Variants in SUGP1 observed in about 807,000 individuals in gnomAD.
The protein encoded by SUGP1 is SURP and G-patch domain-containing protein 1.
Under a neutral mutation model 76.5 loss-of-function variants are expected in SUGP1, and 34 were observed. That is an observed-to-expected ratio of 0.44 (90% CI 0.34 to 0.59). The LOEUF (loss-of-function observed/expected upper bound fraction) is 0.59, where lower values mean the gene tolerates loss of function less well. SUGP1 is among the 20% of genes least tolerant of loss of function. SUGP1 has a pLI of 0.01. For synonymous variants in SUGP1, 326 were observed against 326.2 expected (o/e 1.00, Z 0.01); for missense variants, 752 against 851.7 (o/e 0.88, Z 1.46).
At chr19:19,315,499 C>G (rs2061387300) in intron 2 of SUGP1, among the ~76,000 whole-genome samples, 1 of 152,188 alleles carries the variant, frequency 6.6e-6, no homozygotes, top group African/African-American at 2.4e-5. Context: ...GATCAAAACC[C>G]TTGGTGCCCT....
rs1322992365 is a variant in SUGP1 at position 19,278,700 on chromosome 19, T to C, written c.1625A>G (p.Lys542Arg). ...CCCCTCCTGGCTCACCTTCAGGGCC[T>C]TGAAGGTCTCCATAAACTTTTCCAG... ...DELEKFMETF[K>R]ALKEGREPDY... is the part of the protein sequence containing the mutation. Residue 542 changes from lysine to arginine, a missense_variant, in exon 11 of 14, where the codon AAG becomes AGG. Around this residue, in one of 2 missense-constraint regions of SUGP1, gnomAD observed 132 missense variants for 234.4 expected, o/e 0.56. Transcript: ENST00000247001. The C allele has an allele frequency of 3.1e-6, 5 of 1,612,630 alleles. No homozygotes were observed. The highest frequency in any genetic ancestry group is 3.4e-6 in the Non-Finnish European group (4 of 1,179,406).
At chr19:19,313,928 C>T (rs1040283459) in intron 2 of SUGP1, among the ~76,000 whole-genome samples, 1 of 152,036 alleles carries the variant, frequency 6.6e-6, no homozygotes, top group African/African-American at 2.4e-5. Context: ...AACCTGAGGC[C>T]AGGAGTTAAA....
chr19:19,310,175 AG>A lies in SUGP1; in HGVS notation c.231del (p.Cys78AlafsTer17). 5 of 1,613,604 alleles carry A rather than the reference AG, an allele frequency of 3.1e-6. No individual in the cohort carries two copies. The highest frequency in any genetic ancestry group is 4.2e-6 in the Non-Finnish European group (5 of 1,179,602). ...TCGTTGGCAAACTTGTTGGAAATGC[AG>A]GAAGAGTTGTGTGCATTTGTGATTC... Reference protein sequence around the residue: ...PGEITNAHNSSCISNKFANDG... With the variant: ...PGEITNAHNSXCISNKFANDG... On this transcript the variant is annotated frameshift_variant, in exon 3 of 14. Coordinates refer to ENST00000247001, the MANE Select transcript of SUGP1 (RefSeq NM_172231.4). LOFTEE classifies it high-confidence loss of function.
intron 7 of SUGP1, 72 bp from the exon 8 acceptor site, chr19:19,297,416 G>GTTCTGGCCTTCTGGGCAGGAGCAT: frequency 3.0e-6 from 4 of 1,332,268 alleles, no homozygotes; most frequent in Non-Finnish European, 4.1e-6. Flanking sequence ...GGCAGGAGCA[G>GTTCTGGCCTTCTGGGCAGGAGCAT]TTCTGGCCTT....
chr19:19,300,914 C>T (rs559887882), intron 7 of SUGP1, among the ~76,000 whole-genome samples: 191 of 152,304 alleles, frequency 1.3e-3, no homozygotes, highest in Middle Eastern at 3.4e-3. Flanking sequence ...AGCGGCTGGG[C>T]CCTGGACCCC....
At chr19:19,295,657 C>A (rs1488830116) in intron 8 of SUGP1, among the ~76,000 whole-genome samples, 4 of 149,072 alleles carry the variant, frequency 2.7e-5, no homozygotes, top group African/African-American at 9.9e-5. Context: ...TTGCAGTGAG[C>A]TGAGATCGTG....
At chr19:19,316,729 C>A (rs1429698439) in intron 1 of SUGP1, 136 bp from the exon 2 acceptor site, 1 of 973,128 alleles carries the variant, frequency 1.0e-6, no homozygotes, top group African/African-American at 1.6e-5. Flanking sequence ...CAAACACTTA[C>A]AGAGTGCCTG....
intron 1 of SUGP1, among the ~76,000 whole-genome samples, chr19:19,318,580 T>G (rs1180669152): frequency 6.6e-6 from 1 of 152,150 alleles, no homozygotes; most frequent in Non-Finnish European, 1.5e-5. Flanking sequence ...AGGCACACTC[T>G]ACCAGGCCTA....
At chr19:19,279,893 G>A (rs950616400) in intron 9 of SUGP1, among the ~76,000 whole-genome samples, 3 of 152,208 alleles carry the variant, frequency 2.0e-5, no homozygotes, top group South Asian at 2.1e-4. Flanking sequence ...GGAGCGCGGC[G>A]AGAAGCAGCC....
At chr19:19,306,594 G>A (rs2061319705) in intron 3 of SUGP1, among the ~76,000 whole-genome samples, 1 of 152,220 alleles carries the variant, frequency 6.6e-6, no homozygotes, top group Non-Finnish European at 1.5e-5. Flanking sequence ...GACAGAGGTC[G>A]AAGACCAGCT....
In SUGP1 at chr19:19,316,178, A is replaced by G. The variant is rs2061392791; in HGVS notation, c.206+244T>C. ...CTGTTATACCCCTTCCCTCTGCACC[A>G]CAGCTGGCTGGCAGTAAATAACTGC... is the stretch of plus-strand genomic sequence containing the variant. On this transcript the variant is annotated intron_variant, in intron 2 of 13. Coordinates refer to ENST00000247001, the MANE Select transcript of SUGP1 (RefSeq NM_172231.4). 15 of 534,718 alleles carry G rather than the reference A, an allele frequency of 2.8e-5. No homozygotes were observed. The South Asian group carries it at 3.2e-4, about 11-fold the overall frequency. 33.1% of individuals were successfully genotyped at this position (534,718 alleles called of 1,614,324 possible).
intron 8 of SUGP1, among the ~76,000 whole-genome samples, chr19:19,290,707 T>G (rs1486678849): frequency 6.6e-6 from 1 of 152,242 alleles, no homozygotes; most frequent in Non-Finnish European, 1.5e-5. Context: ...GTTATTTTTA[T>G]TTTTAAGGAA....
At chr19:19,317,808 CTT>C (rs781257871) in intron 1 of SUGP1, among the ~76,000 whole-genome samples, 7 of 110,588 alleles carry the variant, frequency 6.3e-5, no homozygotes, top group African/African-American at 7.1e-5. Context: ...GCCCCAGTGG[CTT>C]TTTTTTTTTT....
intron 8 of SUGP1, among the ~76,000 whole-genome samples, chr19:19,286,335 A>G (rs766465702): frequency 4.2e-4 from 64 of 152,164 alleles, no homozygotes; most frequent in Non-Finnish European, 8.4e-4. Context: ...CACGTACTCT[A>G]TGGAGAGGAT....
intron 9 of SUGP1, 119 bp from the exon 10 acceptor site, chr19:19,279,509 C>G: frequency 9.2e-7 from 1 of 1,088,566 alleles, no homozygotes; most frequent in South Asian, 1.5e-5. Context: ...ATCTGGACCC[C>G]TGGGCAGGAC....
intron 8 of SUGP1, among the ~76,000 whole-genome samples, chr19:19,290,681 A>G (rs534829940): frequency 6.8e-4 from 103 of 152,314 alleles, no homozygotes; most frequent in African/African-American, 2.3e-3. Context: ...ACTCTTTGCT[A>G]TATATACACA....
intron 7 of SUGP1, among the ~76,000 whole-genome samples, chr19:19,300,793 G>A (rs533572650): frequency 6.6e-4 from 100 of 152,228 alleles, no homozygotes; most frequent in African/African-American, 2.1e-3. Context: ...CACCTGACAA[G>A]CTGGGCGCCT....
chr19:19,307,655 TTTC>T (rs1364425869), intron 3 of SUGP1, among the ~76,000 whole-genome samples: 1 of 152,012 alleles, frequency 6.6e-6, no homozygotes, highest in African/African-American at 2.4e-5. Flanking sequence ...CTCTGGTATT[TTTC>T]TTTTTTTTTT....
At chr19:19,282,969 T>C (rs1222173456) in intron 8 of SUGP1, among the ~76,000 whole-genome samples, 1 of 151,396 alleles carries the variant, frequency 6.6e-6, no homozygotes, top group East Asian at 2.0e-4. Context: ...CCCAGCTACT[T>C]GGGAGGCTGA....
Sources: allele counts gnomAD v4.1 joint callset (sites outside exome capture counted in the v4.1 genomes callset), GRCh38; gene constraint gnomAD v4.1.1; regional missense constraint gnomAD v4.1.1; transcripts MANE v1.5; gene names NCBI Gene and HGNC (gene_info 2026-07-23, HGNC 2026-07-21).